DDX3X: variants seen among roughly 807,000 people sequenced by gnomAD.
DDX3X encodes the protein DEAD-box helicase 3 X-linked.
In DDX3X, 4 loss-of-function variants were observed where a neutral mutation model predicts 52.7. The ratio of observed to expected loss-of-function variants is 0.08; its 90% CI spans 0.04 to 0.17. The LOEUF (loss-of-function observed/expected upper bound fraction) is 0.17. Ranked by LOEUF, DDX3X falls within the 10% of genes least tolerant of loss-of-function variation. The probability of loss-of-function intolerance (pLI) is 1.00; values close to 1 mark genes in which losing one functional copy is unlikely to be tolerated. For missense variants in DDX3X, 222 were observed against 548.6 expected (o/e 0.40, Z 5.95); for synonymous variants, 192 against 178.1 (o/e 1.08, Z -0.62).
rs773198736 is a variant in DDX3X at position 41,344,513 on chromosome X, C to T, written c.1025+114C>T. On this transcript the variant is annotated intron_variant, in intron 10 of 16. Coordinates refer to ENST00000644876, the MANE Select transcript of DDX3X (RefSeq NM_001356.5). ...AGTGCCATGGCGCGATCTCGGCTCACCACAACCTCTGCCTCCCGGGTTCAA... is the reference window on the plus strand; with the variant it reads ...AGTGCCATGGCGCGATCTCGGCTCATCACAACCTCTGCCTCCCGGGTTCAA... 1.3e-5 allele frequency: 12 copies of T among 893,195 alleles called. No individual in the cohort carries two copies. The African/African-American group carries it at 1.8e-4, about 13-fold the overall frequency. The allele number at this position is 893,195 out of a possible 1,213,427, so 73.6% of individuals were successfully genotyped here.
chrX:41,356,900 C>A (rs1475534551), intron 5 of DDX3X, among the ~76,000 whole-genome samples: 1 of 108,036 alleles, frequency 9.3e-6, no homozygotes, highest in Non-Finnish European at 1.9e-5. Flanking sequence ...CCTATCCTTC[C>A]ACCATTCCTG....
intron 5 of DDX3X, among the ~76,000 whole-genome samples, chrX:41,360,593 C>T (rs1307093727): frequency 3.7e-5 from 4 of 108,161 alleles, no homozygotes; most frequent in Non-Finnish European, 5.8e-5. Context: ...TAGGCATGCG[C>T]CACCACACTT....
At chrX:41,343,405 C>T (rs2063878130) in intron 7 of DDX3X, 54 bp downstream of exon 7, 32 of 1,091,167 alleles carry the variant, frequency 2.9e-5, no homozygotes, top group Non-Finnish European at 3.8e-5. Context: ...AAGGACTAGA[C>T]AATAAAATAT....
Position 41,346,440 on chromosome X carries a change from A to G in DDX3X, c.1497+30A>G, listed in dbSNP as rs1187610208. 3.3e-6 allele frequency: 4 copies of G among 1,198,907 alleles called. No individual in the cohort carries two copies. In the Middle Eastern group the frequency reaches 7.0e-4, roughly 209 times the overall value. ...GTATAAACATCTTTCTTTTATTCAA[A>G]TTGAGCATGTTCAAGTATTTGTTTT... On this transcript the variant is annotated intron_variant, in intron 13 of 16. Transcript: ENST00000644876.
In DDX3X at chrX:41,348,547, G is replaced by T. The variant is rs1214578256; in HGVS notation, c.*828G>T. 1 of 112,521 alleles carries T rather than the reference G, an allele frequency of 8.9e-6. No individual in the cohort carries two copies. Among genetic ancestry groups the T allele is most frequent in the African/African-American group, 3.2e-5 (1 of 30,838 alleles). 9.3% of individuals were successfully genotyped at this position (112,521 alleles called of 1,213,427 possible). A position where few individuals can be genotyped will look rare whatever the true frequency, so the allele number is the denominator to read the frequency against. On this transcript the variant is annotated 3_prime_UTR_variant, in exon 17 of 17. Coordinates refer to ENST00000644876, the MANE Select transcript of DDX3X (RefSeq NM_001356.5). The stretch of plus-strand genomic sequence containing the variant: ...ATACTATTACAGGGAAAGTTTAAAG[G>T]TCTGATAACTTGAAATAGGTTTTTA...
intron 1 of DDX3X, 185 bp downstream of exon 1, chrX:41,334,482 C>T: frequency 4.6e-6 from 5 of 1,095,166 alleles, no homozygotes; most frequent in Middle Eastern, 3.6e-4. Context: ...CGCCCGGGCC[C>T]GGTCTCGGCC....
At position 41,347,902 on chromosome X, in the gene DDX3X, G is replaced by T; in HGVS notation, c.*183G>T. On this transcript the variant is annotated 3_prime_UTR_variant, in exon 17 of 17. Coordinates refer to ENST00000644876, the MANE Select transcript of DDX3X (RefSeq NM_001356.5). ...GAAGAAATGAAAGGAACAATCAGCA[G>T]CCCTGTTCAGAAGGTGGTTTGAAGA... The T allele has an allele frequency of 4.9e-6, 2 of 409,115 alleles. No homozygotes were observed. Among genetic ancestry groups the T allele is most frequent in the Non-Finnish European group, 8.4e-6 (2 of 237,006 alleles). The allele number at this position is 409,115 out of a possible 1,213,427, so 33.7% of individuals were successfully genotyped here. A position where few individuals can be genotyped will look rare whatever the true frequency, so the allele number is the denominator to read the frequency against.
intron 3 of DDX3X, chrX:41,339,954 CG>C (rs2063826176): frequency 1.1e-5 from 1 of 91,969 alleles, no homozygotes; most frequent in Non-Finnish European, 2.1e-5. Flanking sequence ...TGCTCTGCTG[CG>C]GAGGCTGGAG....
chrX:41,335,826 GCA>G (rs1429530093), intron 1 of DDX3X: 4 of 112,214 alleles, frequency 3.6e-5, no homozygotes, highest in African/African-American at 1.3e-4. Context: ...CCTACCAGCA[GCA>G]CAGAGTATTC....
intron 5 of DDX3X, among the ~76,000 whole-genome samples, chrX:41,363,822 G>A (rs2064038676): frequency 1.8e-5 from 2 of 110,818 alleles, no homozygotes; most frequent in South Asian, 3.8e-4. Flanking sequence ...CCAAAACCCT[G>A]CCGCAATCCT....
intron 5 of DDX3X, among the ~76,000 whole-genome samples, chrX:41,356,501 C>T (rs1449776065): frequency 1.7e-4 from 17 of 98,383 alleles, no homozygotes; most frequent in Non-Finnish European, 3.1e-4. Context: ...ACTCTGTTGC[C>T]AGGCTGGAGT....
At chrX:41,351,520 G>T (rs1431652743), downstream of DDX3X, 1 of 111,459 alleles carries the variant, frequency 9.0e-6, no homozygotes, top group Non-Finnish European at 1.9e-5. Context: ...TTAGAGCACA[G>T]TGACTTTGTT....
downstream of DDX3X, chrX:41,351,260 TC>T (rs761584726): frequency 8.9e-6 from 1 of 111,796 alleles, no homozygotes; most frequent in Non-Finnish European, 1.9e-5. Flanking sequence ...TTATTTCTAG[TC>T]TAGCATGGTT....
intron 2 of DDX3X, chrX:41,338,313 C>G (rs1569234123): frequency 9.0e-6 from 1 of 111,525 alleles, no homozygotes; most frequent in Non-Finnish European, 1.9e-5. Context: ...TTTGCTTTAA[C>G]TTTCACCTTA....
At chrX:41,359,041 C>A (rs1170629322) in intron 5 of DDX3X, among the ~76,000 whole-genome samples, 1 of 112,331 alleles carries the variant, frequency 8.9e-6, no homozygotes, top group Non-Finnish European at 1.9e-5. Flanking sequence ...CAGGCGTGAG[C>A]CACTGTGCCT....
chrX:41,346,297 T>C lies in DDX3X; in HGVS notation c.1384T>C (p.Tyr462His). Residue 462 changes from tyrosine to histidine, a missense_variant, in exon 13 of 17, where the codon TAC (tyrosine) becomes CAC (histidine). Tyr to His is a moderately conservative substitution (Grantham distance 83, BLOSUM62 2). This residue lies in a region of DDX3X where 73 missense variants were observed against 301.4 expected (regional missense o/e 0.24). Coordinates refer to ENST00000644876, the MANE Select transcript of DDX3X (RefSeq NM_001356.5). ...TGCAGATTCTCTGGAGGATTTCTTA[T>C]ACCATGAAGGATACGCATGTACCAG... ...KGADSLEDFL[Y>H]HEGYACTSIH... 4.1e-6 allele frequency: 5 copies of C among 1,210,422 alleles called. No individual in the cohort carries two copies. Among genetic ancestry groups the C allele is most frequent in the Non-Finnish European group, 5.6e-6 (5 of 894,554 alleles).
chrX:41,352,846 A>G (rs944961663), downstream of DDX3X, among the ~76,000 whole-genome samples: 4 of 111,463 alleles, frequency 3.6e-5, no homozygotes, highest in African/African-American at 1.3e-4. Context: ...TGTGGAGTCC[A>G]CTGTTCACTC....
Position 41,341,555 on chromosome X carries a change from C to T in DDX3X, c.223C>T (p.Arg75Cys), listed in dbSNP as rs1289923555. ...DKDAYSSFGS[R>C]SDSRGKSSFF... Reference sequence around the variant, plus strand: ...GGATGCGTATAGCAGTTTTGGATCTCGTAGTGATTCAAGAGGGAAGTCTAG... The same window carrying T: ...GGATGCGTATAGCAGTTTTGGATCTTGTAGTGATTCAAGAGGGAAGTCTAG... The change falls in exon 4 of 17, where the codon CGT becomes TGT. Residue 75 changes from arginine to cysteine, a missense_variant. By Grantham distance (180) the Arg-to-Cys change is radical. Coordinates refer to ENST00000644876, the MANE Select transcript of DDX3X (RefSeq NM_001356.5). The T allele has an allele frequency of 4.1e-6, 5 of 1,207,184 alleles. No homozygotes were observed. The highest frequency in any genetic ancestry group is 1.8e-5 in the African/African-American group (1 of 57,015).
chrX:41,334,660 A>C (rs1274881280), intron 1 of DDX3X: 1 of 1,047,324 alleles, frequency 9.5e-7, no homozygotes, highest in Non-Finnish European at 1.2e-6. Context: ...GCGGGACGCG[A>C]CTGGAGGCCC....
Sources: allele counts gnomAD v4.1 joint callset (sites outside exome capture counted in the v4.1 genomes callset), GRCh38; gene constraint gnomAD v4.1.1; regional missense constraint gnomAD v4.1.1; transcripts MANE v1.5; gene names NCBI Gene and HGNC (gene_info 2026-07-23, HGNC 2026-07-21).